RETREG3: variants seen among roughly 807,000 people sequenced by gnomAD.
The protein encoded by RETREG3 is reticulophagy regulator family member 3.
A neutral mutation model predicts 50.2 loss-of-function variants in RETREG3; 23 were observed. The ratio of observed to expected loss-of-function variants is 0.46; its 90% CI spans 0.33 to 0.65. RETREG3 has a LOEUF of 0.65. RETREG3 is among the 30% of genes least tolerant of loss of function. The pLI is 0.02. For synonymous variants in RETREG3, 240 were observed against 234.4 expected, an observed-to-expected ratio of 1.02 and a Z score of -0.22; for missense variants, 546 against 598.0, an observed-to-expected ratio of 0.91 and a Z score of 0.91.
chr17:42,585,970 C>A, intron 5 of RETREG3, 83 bp downstream of exon 5: 1 of 1,248,654 alleles, frequency 8.0e-7, no homozygotes, highest in South Asian at 1.2e-5. Flanking sequence ...ATATAACAGT[C>A]CTCTCCCCAC....
intron 1 of RETREG3, among the ~76,000 whole-genome samples, chr17:42,594,899 T>C (rs563638771): frequency 5.3e-4 from 81 of 151,578 alleles, no homozygotes; most frequent in Non-Finnish European, 1.0e-3. Flanking sequence ...CATTTGAATA[T>C]ACATACATAA....
chr17:42,582,793 G>A lies in RETREG3; in HGVS notation c.824C>T (p.Thr275Ile), dbSNP rs1470811788. ...TGTGATGGCCAATTCCCTGGCAACA[G>A]TAGAATCGTCCAGCTTAGGAAAAGA... ...AAFCPQLDDS[T>I]VARELAITDS... Residue 275 changes from threonine (T) to isoleucine (I), a missense_variant, in exon 8 of 9, where the codon ACT becomes ATT. Physicochemically the swap from Thr to Ile is moderately conservative, Grantham distance 89 (BLOSUM62 -1). Coordinates refer to ENST00000309428, the MANE Select transcript of RETREG3 (RefSeq NM_178126.4). The A allele has an allele frequency of 3.7e-6, 6 of 1,614,116 alleles. No homozygotes were observed. In the Admixed American group the frequency reaches 1.0e-4, roughly 27 times the overall value.
chr17:42,598,670 C>G (rs578052074), intron 1 of RETREG3: 1 of 152,300 alleles, frequency 6.6e-6, no homozygotes, highest in Non-Finnish European at 1.5e-5. Flanking sequence ...TTGCAAATCA[C>G]AGCTTAGATA....
At chr17:42,592,654 T>C (rs954957236) in intron 1 of RETREG3, among the ~76,000 whole-genome samples, 9 of 152,166 alleles carry the variant, frequency 5.9e-5, no homozygotes, top group Non-Finnish European at 8.8e-5. Context: ...AAAAGCTATA[T>C]TGAAAAGCAA....
chr17:42,607,079 A>G (rs2093169101), intron 1 of RETREG3, among the ~76,000 whole-genome samples: 1 of 152,326 alleles, frequency 6.6e-6, no homozygotes, highest in African/African-American at 2.4e-5. Flanking sequence ...AATGAGGCCC[A>G]GCCTTCTTGC....
chr17:42,591,653 C>T (rs536467838), intron 2 of RETREG3, among the ~76,000 whole-genome samples: 1 of 152,234 alleles, frequency 6.6e-6, no homozygotes, highest in Admixed American at 6.5e-5. Flanking sequence ...CATCATGGTA[C>T]TTTCTATAAG....
intron 1 of RETREG3, among the ~76,000 whole-genome samples, chr17:42,597,613 ATATATATTTTTTTT>A (rs1415221603): frequency 2.0e-4 from 11 of 53,740 alleles, no homozygotes; most frequent in East Asian, 6.9e-4. Context: ...ATATATATAT[ATATATATTTTTTTT>A]TTTTTTTTTT....
At chr17:42,596,359 C>CAAAAAAAAAAAA (rs60457978) in intron 1 of RETREG3, among the ~76,000 whole-genome samples, 19 of 64,712 alleles carry the variant, frequency 2.9e-4, no homozygotes, top group African/African-American at 6.6e-4. Flanking sequence ...GACCCTTTCT[C>CAAAAAAAAAAAA]AAAAAAAAAA....
rs138183304 is a variant in RETREG3, at chr17:42,586,016, G to A, written c.589+37C>T. The A allele has an allele frequency of 9.4e-6, 15 of 1,591,280 alleles. No individual in the cohort carries two copies. In the East Asian group the frequency reaches 3.1e-4, roughly 33 times the overall value. On this transcript the variant is annotated intron_variant, in intron 5 of 8. Transcript: ENST00000309428. ...AGCCATAGTTGGAAAGCTATGAGCA[G>A]GGTATACTTTGTAGGGGAGGTATAT...
rs2093125897 is a variant in RETREG3, at chr17:42,588,559, T to C, written c.347-695A>G. Among the ~76,000 whole-genome samples the C allele has an allele frequency of 2.0e-5, 3 of 151,888 alleles. No individual in the cohort carries two copies. In the South Asian group the frequency reaches 6.2e-4, roughly 32 times the overall value. ...CTAATTTTTGTGTTTTTAGTAGAGA[T>C]GGGGTTTCACCATGTTGGCCAGGCT... is the stretch of plus-strand genomic sequence containing the variant. On this transcript the variant is annotated intron_variant, in intron 2 of 8. Transcript: ENST00000309428.
intron 1 of RETREG3, among the ~76,000 whole-genome samples, chr17:42,608,202 T>C (rs975015061): frequency 5.0e-4 from 76 of 152,222 alleles, no homozygotes; most frequent in African/African-American, 1.8e-3. Context: ...GTCAGTTCCC[T>C]TGGAACCTCC....
intron 6 of RETREG3, among the ~76,000 whole-genome samples, chr17:42,584,760 G>C (rs1049903958): frequency 2.1e-5 from 3 of 145,410 alleles, no homozygotes; most frequent in African/African-American, 7.6e-5. Context: ...AGGGTGCAGT[G>C]AGCCATGATC....
intron 1 of RETREG3, among the ~76,000 whole-genome samples, chr17:42,603,004 C>A (rs540894300): frequency 9.9e-4 from 150 of 151,888 alleles, no homozygotes; most frequent in Non-Finnish European, 2.0e-3. Context: ...TATTTGAATT[C>A]TTTTCTTATT....
chr17:42,594,773 C>G (rs2093140439), intron 1 of RETREG3, among the ~76,000 whole-genome samples: 2 of 151,704 alleles, frequency 1.3e-5, no homozygotes, highest in South Asian at 4.2e-4. Context: ...ATGGCGTGAA[C>G]CTGCGAGGCG....
At chr17:42,587,750 A>G in intron 3 of RETREG3, 84 bp downstream of exon 3, 1 of 1,534,922 alleles carries the variant, frequency 6.5e-7, no homozygotes, top group Admixed American at 1.7e-5. Flanking sequence ...GTGTGTCCAG[A>G]ACATGGGGTT....
Position 42,582,825 on chromosome 17 carries a change from A to G in RETREG3, c.811-19T>C. 1 of 1,613,878 alleles carries G rather than the reference A, an allele frequency of 6.2e-7. No individual in the cohort carries two copies. Among genetic ancestry groups the G allele is most frequent in the African/African-American group, 1.3e-5 (1 of 75,034 alleles). On this transcript the variant is annotated intron_variant, in intron 7 of 8. Transcript: ENST00000309428. Reference sequence around the variant, plus strand: ...CGTCCAGCTTAGGAAAAGACCAACAAATGTGAGATAATGCCATCAGGAACC... The same window carrying G: ...CGTCCAGCTTAGGAAAAGACCAACAGATGTGAGATAATGCCATCAGGAACC...
chr17:42,600,890 T>C (rs1232457376), intron 1 of RETREG3, among the ~76,000 whole-genome samples: 1 of 152,124 alleles, frequency 6.6e-6, no homozygotes, highest in Non-Finnish European at 1.5e-5. Flanking sequence ...GGTGGAATGA[T>C]CACTTGAGCT....
rs546276696 is a variant in RETREG3 at position 42,585,146 on chromosome 17, A to G, written c.706T>C (p.Ser236Pro). ...LDFSVRGYMMSKQRERQLRRR... is the reference protein window; with the variant it reads ...LDFSVRGYMMPKQRERQLRRR... ...TTACATTGTCTCTCTCTCTGCTTGGACATCATGTAGCCACGGACACTGAAG... is the reference window on the plus strand; with the variant it reads ...TTACATTGTCTCTCTCTCTGCTTGGGCATCATGTAGCCACGGACACTGAAG... The change falls in exon 6 of 9, where the codon TCC (serine) becomes CCC (proline). Residue 236 changes from serine (S) to proline (P), a missense_variant. Transcript: ENST00000309428. 6.2e-7 allele frequency: 1 copy of G among 1,613,408 alleles called. No homozygotes were observed. Among genetic ancestry groups the G allele is most frequent in the East Asian group, 2.2e-5 (1 of 44,872 alleles).
At chr17:42,590,178 T>C (rs534463054) in intron 2 of RETREG3, among the ~76,000 whole-genome samples, 2 of 152,278 alleles carry the variant, frequency 1.3e-5, no homozygotes, top group East Asian at 1.9e-4. Context: ...CACTCCAGCC[T>C]GAGCAACAAA....
Sources: gnomAD v4.1 joint callset for allele counts (sites outside exome capture counted in the v4.1 genomes callset) on GRCh38, gnomAD v4.1.1 for gene constraint, MANE v1.5 for transcripts, NCBI Gene and HGNC (gene_info 2026-07-23, HGNC 2026-07-21) for gene names.